The following SOX5 variants were observed in gnomAD, a reference collection of about 807,000 sequenced individuals.
The protein encoded by SOX5 is transcription factor SOX-5.
Under a neutral mutation model 92.0 loss-of-function variants are expected in SOX5, and 9 were observed. That is an observed-to-expected ratio of 0.10 (90% CI 0.06 to 0.17). SOX5 has a LOEUF of 0.17. SOX5 is among the 10% of genes least tolerant of loss of function. SOX5 has a pLI of 1.00. For missense variants in SOX5, 642 were observed against 944.5 expected (o/e 0.68, Z 4.20); for synonymous variants, 344 against 336.3 (o/e 1.02, Z -0.25).
intron 3 of SOX5, among the ~76,000 whole-genome samples, chr12:23,756,261 A>G (rs1464932758): frequency 1.3e-5 from 2 of 151,812 alleles, no homozygotes; most frequent in African/African-American, 4.8e-5. Context: ...AAAAATTGGT[A>G]TAAAAGAAGC....
chr12:24,542,020 A>G (rs567619203), intron 1 of SOX5, among the ~76,000 whole-genome samples: 1 of 152,320 alleles, frequency 6.6e-6, no homozygotes, highest in Admixed American at 6.5e-5. Context: ...TTTTCCAAAC[A>G]ACAGCCAGAA....
intron 1 of SOX5, among the ~76,000 whole-genome samples, chr12:23,929,408 T>C (rs1487867761): frequency 6.6e-6 from 1 of 151,950 alleles, no homozygotes; most frequent in Admixed American, 6.6e-5. Flanking sequence ...ATAAAAACAT[T>C]CTGTGCTGTG....
chr12:24,016,749 T>C (rs1409613833), intron 4 of SOX5, among the ~76,000 whole-genome samples: 3 of 152,138 alleles, frequency 2.0e-5, no homozygotes, highest in Non-Finnish European at 4.4e-5. Context: ...ACCAACCTTT[T>C]CCAAAGATTT....
At chr12:24,078,726 C>T (rs1208633179) in intron 4 of SOX5, among the ~76,000 whole-genome samples, 1 of 151,994 alleles carries the variant, frequency 6.6e-6, no homozygotes, top group African/African-American at 2.4e-5. Context: ...GCAATTATCT[C>T]TATGCTCTCC....
rs186379584 is a variant in SOX5 at position 24,376,835 on chromosome 12, T to G, written c.-250-8196A>C. The stretch of plus-strand genomic sequence containing the variant: ...GATCCTCCCACCTCAGCCTCCTGAG[T>G]AGGGATTACAGGTGTGTGCCCCATG... On this transcript the variant is annotated intron_variant, in intron 1 of 4. Coordinates refer to the SOX5 transcript ENST00000446891. Among the ~76,000 whole-genome samples the G allele has an allele frequency of 2.7e-5, 4 of 149,658 alleles. No homozygotes were observed. The East Asian group carries it at 7.9e-4, about 30-fold the overall frequency.
intron 9 of SOX5, among the ~76,000 whole-genome samples, chr12:23,591,391 A>G (rs1450274051): frequency 1.3e-5 from 2 of 152,108 alleles, no homozygotes; most frequent in African/African-American, 4.8e-5. Context: ...AAGATAGAAG[A>G]TGTTTCTAAT....
At chr12:24,040,184 G>C (rs1028976530) in intron 4 of SOX5, among the ~76,000 whole-genome samples, 1 of 152,148 alleles carries the variant, frequency 6.6e-6, no homozygotes, top group Non-Finnish European at 1.5e-5. Context: ...AAAAAATGTA[G>C]GTTGTAGACT....
At chr12:23,783,378 A>C (rs2095319565) in intron 3 of SOX5, among the ~76,000 whole-genome samples, 1 of 152,224 alleles carries the variant, frequency 6.6e-6, no homozygotes, top group South Asian at 2.1e-4. Flanking sequence ...TGAAAGATGT[A>C]CTGATTCTGG....
chr12:23,710,389 G>T (rs111299355), intron 6 of SOX5, among the ~76,000 whole-genome samples: 1 of 147,888 alleles, frequency 6.8e-6, no homozygotes, highest in African/African-American at 2.5e-5. Flanking sequence ...TTCCCTCCCC[G>T]CTTCCCCTAC....
intron 1 of SOX5, among the ~76,000 whole-genome samples, chr12:23,931,811 C>G (rs1402533145): frequency 6.6e-6 from 1 of 151,516 alleles, no homozygotes; most frequent in Non-Finnish European, 1.5e-5. Flanking sequence ...AGTATGAACT[C>G]TAACAAAATA....
At chr12:23,755,518 A>G (rs1228707496) in intron 4 of SOX5, 120 bp downstream of exon 4, 1 of 696,526 alleles carries the variant, frequency 1.4e-6, no homozygotes, top group South Asian at 1.8e-5. Flanking sequence ...AAGAAACCCT[A>G]AACACAGAGA....
chr12:23,830,727 C>A (rs1204252250), intron 3 of SOX5, among the ~76,000 whole-genome samples: 1 of 152,102 alleles, frequency 6.6e-6, no homozygotes, highest in Non-Finnish European at 1.5e-5. Context: ...CTTAGGAAAG[C>A]CGATCTCCAT....
chr12:23,874,485 C>T lies in SOX5; in HGVS notation c.270+21308G>A, dbSNP rs192558180. On this transcript the variant is annotated intron_variant, in intron 2 of 14. Transcript: ENST00000451604. ...AAAGTATTCTCTTTTTAAAATTTCC[C>T]TAAAATGAAAGGAAAGGGGAGAGAA... Among the ~76,000 whole-genome samples, 376 of 152,012 alleles carry T rather than the reference C, an allele frequency of 2.5e-3. 2 individuals carry two copies. Among genetic ancestry groups the T allele is most frequent in the Non-Finnish European group, 3.4e-3 (231 of 67,980 alleles).
intron 4 of SOX5, among the ~76,000 whole-genome samples, chr12:24,112,599 C>T (rs935982658): frequency 5.7e-5 from 8 of 140,672 alleles, no homozygotes; most frequent in South Asian, 2.4e-4. Flanking sequence ...GGCATAATCA[C>T]GGCTCACTGC....
At chr12:24,443,609 T>C (rs898277389) in intron 1 of SOX5, among the ~76,000 whole-genome samples, 2 of 152,222 alleles carry the variant, frequency 1.3e-5, no homozygotes, top group African/African-American at 4.8e-5. Flanking sequence ...TAGAAGATGC[T>C]AGAACAAGAA....
intron 1 of SOX5, among the ~76,000 whole-genome samples, chr12:23,946,640 G>A (rs1944635247): frequency 6.6e-6 from 1 of 151,870 alleles, no homozygotes; most frequent in Middle Eastern, 3.2e-3. Context: ...TTTTAAAAAT[G>A]TGGGGAGACT....
chr12:24,429,003 A>T (rs1937664364), intron 1 of SOX5, among the ~76,000 whole-genome samples: 1 of 152,006 alleles, frequency 6.6e-6, no homozygotes, highest in Non-Finnish European at 1.5e-5. Flanking sequence ...AGCAACAATT[A>T]AGTCAGTAGG....
intron 1 of SOX5, among the ~76,000 whole-genome samples, chr12:24,419,167 G>A (rs1386615814): frequency 6.6e-6 from 1 of 151,786 alleles, no homozygotes; most frequent in Non-Finnish European, 1.5e-5. Flanking sequence ...TGTCACCAAG[G>A]CAGTACAGTG....
intron 1 of SOX5, among the ~76,000 whole-genome samples, chr12:24,549,231 T>A (rs1282191330): frequency 6.6e-6 from 1 of 152,212 alleles, no homozygotes; most frequent in Non-Finnish European, 1.5e-5. Context: ...GAAATACAGT[T>A]CCACAATTTG....
Sources: allele counts gnomAD v4.1 joint callset (sites outside exome capture counted in the v4.1 genomes callset), GRCh38; gene constraint gnomAD v4.1.1; transcripts MANE v1.5; gene names NCBI Gene and HGNC (gene_info 2026-07-23, HGNC 2026-07-21).